Variants in GLMN observed in about 807,000 individuals in gnomAD.
The protein encoded by GLMN is glomulin, FKBP associated protein.
Under a neutral mutation model 87.8 loss-of-function variants are expected in GLMN, and 75 were observed. The ratio of observed to expected loss-of-function variants is 0.85; its 90% CI spans 0.71 to 1.04. GLMN has a LOEUF of 1.04. Among genes scored for constraint, GLMN ranks in the 50% least tolerant of loss-of-function variants. The probability of loss-of-function intolerance (pLI) is 0.00; values close to 1 mark genes in which losing one functional copy is unlikely to be tolerated. For missense variants in GLMN, 588 were observed against 658.8 expected (o/e 0.89, Z 1.18); for synonymous variants, 206 against 221.6 (o/e 0.93, Z 0.63).
intron 3 of GLMN, 38 bp from the exon 4 acceptor site, chr1:92,291,575 T>G (rs771046104): frequency 6.2e-7 from 1 of 1,603,120 alleles, no homozygotes; most frequent in Non-Finnish European, 8.5e-7. Context: ...AACACTGCCA[T>G]CTATAGGACT....
At chr1:92,370,712 AAC>A in the GLMN span, among the ~76,000 whole-genome samples, 1 of 152,114 alleles carries the variant, frequency 6.6e-6, no homozygotes, top group African/African-American at 2.4e-5. Flanking sequence ...TTTAAAAAAA[AAC>A]ACGGGGGTGG....
the GLMN span, among the ~76,000 whole-genome samples, chr1:92,343,787 T>A: frequency 6.6e-6 from 1 of 152,042 alleles, no homozygotes; most frequent in Non-Finnish European, 1.5e-5. Context: ...GAAAAACATA[T>A]AGCAGAATAA....
At chr1:92,251,399 T>G (rs1160658598) in intron 16 of GLMN, among the ~76,000 whole-genome samples, 2 of 149,826 alleles carry the variant, frequency 1.3e-5, no homozygotes, top group African/African-American at 5.1e-5. Flanking sequence ...GAGGTCAAAA[T>G]AAAAGAAAAA....
At position 92,265,102 on chromosome 1, in the gene GLMN, A is replaced by G. The variant is rs1655464678; in HGVS notation, c.1215-464T>C. On this transcript the variant is annotated intron_variant, in intron 13 of 18. Coordinates refer to ENST00000370360, the MANE Select transcript of GLMN (RefSeq NM_053274.3). ...GTGATCCGCCTGCCTCAGCCTCCCA[A>G]AGTGCTGGGATTACAGGCATGAGCC... Among the ~76,000 whole-genome samples, 3 of 152,134 alleles carry G rather than the reference A, an allele frequency of 2.0e-5. 1 individual carries two copies. Among genetic ancestry groups the G allele is most frequent in the South Asian group, 4.1e-4 (2 of 4,828 alleles).
At chr1:92,312,916 A>G in the GLMN span, among the ~76,000 whole-genome samples, 1 of 151,114 alleles carries the variant, frequency 6.6e-6, no homozygotes, top group Non-Finnish European at 1.5e-5. Context: ...CTGCCTCCTC[A>G]GTTCAGTGGC....
At chr1:92,271,973 T>C (rs1656293099) in intron 7 of GLMN, among the ~76,000 whole-genome samples, 1 of 152,104 alleles carries the variant, frequency 6.6e-6, no homozygotes. Flanking sequence ...GAAACTTTGC[T>C]CTCTGACTCT....
At chr1:92,291,307 T>C (rs144904332) in intron 4 of GLMN, 111 bp downstream of exon 4, 20 of 948,836 alleles carry the variant, frequency 2.1e-5, no homozygotes, top group Middle Eastern at 3.0e-4. Flanking sequence ...AGTTCCTTTC[T>C]GCATGTACTT....
the GLMN span, among the ~76,000 whole-genome samples, chr1:92,367,607 A>G: frequency 6.6e-6 from 1 of 152,206 alleles, no homozygotes; most frequent in Non-Finnish European, 1.5e-5. Flanking sequence ...ATGCATGGTA[A>G]TCAGCAGAAC....
At chr1:92,290,608 G>T (rs774454993) in intron 4 of GLMN, among the ~76,000 whole-genome samples, 1 of 152,162 alleles carries the variant, frequency 6.6e-6, no homozygotes, top group Non-Finnish European at 1.5e-5. Context: ...CCAGCAGGTG[G>T]GACCTTTCAA....
intron 7 of GLMN, among the ~76,000 whole-genome samples, chr1:92,276,709 A>T (rs1045761552): frequency 6.6e-6 from 1 of 152,182 alleles, no homozygotes; most frequent in African/African-American, 2.4e-5. Context: ...GTGTCATAAT[A>T]GCCTGGTGGT....
chr1:92,302,843 G>A (rs12135599), upstream of GLMN, among the ~76,000 whole-genome samples: 1 of 151,638 alleles, frequency 6.6e-6, no homozygotes, highest in Non-Finnish European at 1.5e-5. Flanking sequence ...CTCGTGATCC[G>A]CCCGCGTCGG....
chr1:92,333,124 A>G, the GLMN span: 1 of 368,044 alleles, frequency 2.7e-6, no homozygotes, highest in Non-Finnish European at 4.9e-6. Context: ...TTTTGTTTAC[A>G]TTTTATTATT....
chr1:92,308,733 G>T, the GLMN span, among the ~76,000 whole-genome samples: 1 of 152,176 alleles, frequency 6.6e-6, no homozygotes, highest in East Asian at 1.9e-4. Context: ...GCCAAGGTGG[G>T]TGGATCACTT....
chr1:92,329,935 C>T, the GLMN span, among the ~76,000 whole-genome samples: 1,874 of 152,138 alleles, frequency 0.012, 39 homozygotes, highest in African/African-American at 0.042. Context: ...TTTTCCAAAG[C>T]GTGAAAATGT....
intron 16 of GLMN, among the ~76,000 whole-genome samples, chr1:92,259,400 T>C (rs1423791414): frequency 6.6e-6 from 1 of 152,124 alleles, no homozygotes; most frequent in Admixed American, 6.6e-5. Flanking sequence ...GCCTGAAACT[T>C]AACCAAGGAG....
chr1:92,323,562 T>C, the GLMN span: 3 of 1,613,754 alleles, frequency 1.9e-6, no homozygotes, highest in South Asian at 3.3e-5. Context: ...CTCACAGTGA[T>C]AGTAGCAGTG....
intron 3 of GLMN, among the ~76,000 whole-genome samples, chr1:92,297,021 A>G (rs1422854071): frequency 2.0e-5 from 3 of 151,948 alleles, no homozygotes; most frequent in Non-Finnish European, 2.9e-5. Flanking sequence ...CTTCAACTAT[A>G]GCAATTATTT....
At chr1:92,329,943 T>C in the GLMN span, among the ~76,000 whole-genome samples, 1 of 152,054 alleles carries the variant, frequency 6.6e-6, no homozygotes, top group Non-Finnish European at 1.5e-5. Flanking sequence ...AGCGTGAAAA[T>C]GTGGTCAGAA....
chr1:92,295,220 G>A (rs1649894168), intron 3 of GLMN, among the ~76,000 whole-genome samples: 1 of 151,708 alleles, frequency 6.6e-6, no homozygotes, highest in African/African-American at 2.4e-5. Flanking sequence ...CATCTCCTTG[G>A]CAGGCCTCTT....
Sources: gnomAD v4.1 joint callset for allele counts (sites outside exome capture counted in the v4.1 genomes callset) on GRCh38, gnomAD v4.1.1 for gene constraint, MANE v1.5 for transcripts, NCBI Gene and HGNC (gene_info 2026-07-23, HGNC 2026-07-21) for gene names.